COL23A1: variants seen among roughly 807,000 people sequenced by gnomAD.
The protein encoded by COL23A1 is collagen type XXIII alpha 1 chain.
COL23A1 carries 97 observed loss-of-function variants against 99.3 expected under a neutral mutation model. The observed-to-expected ratio is 0.98, with a 90% CI of 0.83 to 1.16. The LOEUF (loss-of-function observed/expected upper bound fraction) is 1.16. COL23A1 is among the 50% of genes most tolerant of loss of function. COL23A1 has a pLI of 0.00. For missense variants in COL23A1, 762 were observed against 757.4 expected, an observed-to-expected ratio of 1.01 and a Z score of -0.07; for synonymous variants, 320 against 308.2, an observed-to-expected ratio of 1.04 and a Z score of -0.40.
At chr5:178,576,069 C>T (rs185499081) in intron 1 of COL23A1, among the ~76,000 whole-genome samples, 106 of 152,316 alleles carry the variant, frequency 7.0e-4, no homozygotes, top group African/African-American at 2.3e-3. Flanking sequence ...CTCAATACCC[C>T]TTCAGACTGT....
intron 2 of COL23A1, among the ~76,000 whole-genome samples, chr5:178,426,451 C>T (rs1351706652): frequency 2.0e-5 from 3 of 152,234 alleles, no homozygotes; most frequent in East Asian, 1.9e-4. Context: ...ACCCTGTTTT[C>T]GTGCACACTC....
rs190245324 is a variant in COL23A1 at position 178,468,247 on chromosome 5, G to A, written c.361+92435C>T. 1.2e-3 allele frequency among the ~76,000 whole-genome samples: 177 copies of A among 149,000 alleles called. No individual in the cohort carries two copies. Among genetic ancestry groups the A allele is most frequent in the Non-Finnish European group, 2.1e-3 (141 of 67,294 alleles). On this transcript the variant is annotated intron_variant, in intron 2 of 28. Transcript: ENST00000390654. This position sits in a 1 kb window ranked among gnomAD's most constrained non-coding sequence, Gnocchi z 4.2. Reference sequence around the variant, plus strand: ...CTCCAGCCAGAAGCCACGGCAAGCCGCCAGTGTCGAGCAGAGGGCCCCTGC... The same window carrying A: ...CTCCAGCCAGAAGCCACGGCAAGCCACCAGTGTCGAGCAGAGGGCCCCTGC...
chr5:178,447,426 G>A (rs1017382610), intron 2 of COL23A1, among the ~76,000 whole-genome samples: 3 of 152,156 alleles, frequency 2.0e-5, no homozygotes, highest in Admixed American at 6.5e-5. Flanking sequence ...GGTCAATGAC[G>A]CATATACGGC....
At chr5:178,406,060 G>A (rs1024349658) in intron 2 of COL23A1, among the ~76,000 whole-genome samples, 13 of 152,214 alleles carry the variant, frequency 8.5e-5, no homozygotes, top group Admixed American at 3.3e-4. Flanking sequence ...CTGAGATTGC[G>A]CCACTGCACT....
rs776834450 is a variant in COL23A1, at chr5:178,590,079, C to A, written c.119G>T (p.Cys40Phe). The A allele has an allele frequency of 2.7e-4, 357 of 1,314,410 alleles. No individual in the cohort carries two copies. Among genetic ancestry groups the A allele is most frequent in the Non-Finnish European group, 3.3e-4 (337 of 1,028,202 alleles). The allele number at this position is 1,314,410 out of a possible 1,614,324, so 81.4% of individuals were successfully genotyped here. ...CGCCGAGCCCACGGAGAGCAGCAGG[C>A]ACAGCGCGCTCACCGCCCGGGACCC... ...TAGSRAVSAL[C>F]LLLSVGSAAA... Residue 40 changes from cysteine (C) to phenylalanine (F), a missense_variant, in exon 1 of 29, where the codon TGC becomes TTC. Coordinates refer to ENST00000390654, the MANE Select transcript of COL23A1 (RefSeq NM_173465.4). This position sits in a 1 kb window ranked among gnomAD's most constrained non-coding sequence, Gnocchi z 5.7.
intron 2 of COL23A1, among the ~76,000 whole-genome samples, chr5:178,478,346 C>T (rs111880507): frequency 6.6e-6 from 1 of 152,206 alleles, no homozygotes; most frequent in Non-Finnish European, 1.5e-5. Context: ...CCGGGACTAA[C>T]TGGAACAACT....
rs144243981 is a variant in COL23A1, at chr5:178,237,851, G to A, written c.*847C>T. ...AGAGCCATTTTTGGCCAGAGTTCTG[G>A]GTGGGAGACTTGGGGCCAGTGAGAC... is the stretch of plus-strand genomic sequence containing the variant. On this transcript the variant is annotated 3_prime_UTR_variant, in exon 29 of 29. Coordinates refer to ENST00000390654, the MANE Select transcript of COL23A1 (RefSeq NM_173465.4). 1 of 152,508 alleles carries A rather than the reference G, an allele frequency of 6.6e-6. No homozygotes were observed. Among genetic ancestry groups the A allele is most frequent in the Non-Finnish European group, 1.5e-5 (1 of 68,130 alleles). The allele number at this position is 152,508 out of a possible 1,614,324, so 9.4% of individuals were successfully genotyped here.
rs538328445 is a variant in COL23A1, at chr5:178,385,312, C to T, written c.362-78393G>A. ...CCCCCAGGTCTCAGTGAGCTGTGGA[C>T]GCGGGGAATTCACAGAGGGAAACAC... On this transcript the variant is annotated intron_variant, in intron 2 of 28. Transcript: ENST00000390654. 2.4e-4 allele frequency among the ~76,000 whole-genome samples: 37 copies of T among 152,250 alleles called. 1 individual carries two copies. Among genetic ancestry groups the T allele is most frequent in the Admixed American group, 2.0e-3 (30 of 15,296 alleles).
intron 2 of COL23A1, among the ~76,000 whole-genome samples, chr5:178,487,270 T>C (rs1426205645): frequency 6.6e-6 from 1 of 151,546 alleles, no homozygotes; most frequent in Non-Finnish European, 1.5e-5. Context: ...CTGAAGGCAG[T>C]CATGGTACCA....
chr5:178,478,537 ACT>A (rs1757153164), intron 2 of COL23A1, among the ~76,000 whole-genome samples: 1 of 152,110 alleles, frequency 6.6e-6, no homozygotes, highest in Non-Finnish European at 1.5e-5. Context: ...CCACACCAGC[ACT>A]GAGGCCCACA....
intron 18 of COL23A1, 61 bp downstream of exon 18, chr5:178,250,000 C>A (rs1029126241): frequency 1.3e-6 from 2 of 1,574,264 alleles, no homozygotes; most frequent in East Asian, 4.5e-5. Flanking sequence ...CACACACACA[C>A]ACACACACAG....
At chr5:178,347,255 C>T (rs1440424363) in intron 2 of COL23A1, among the ~76,000 whole-genome samples, 2 of 152,218 alleles carry the variant, frequency 1.3e-5, no homozygotes, top group Non-Finnish European at 2.9e-5. Context: ...TGGATTTTAT[C>T]TTTCATTTAA....
At chr5:178,572,193 G>T (rs1272759965) in intron 1 of COL23A1, among the ~76,000 whole-genome samples, 1 of 151,174 alleles carries the variant, frequency 6.6e-6, no homozygotes, top group East Asian at 1.9e-4. Flanking sequence ...TTATAAACTA[G>T]AAGACAGCAA....
At chr5:178,333,964 C>T (rs2913793) in intron 2 of COL23A1, among the ~76,000 whole-genome samples, 72,327 of 152,042 alleles carry the variant, frequency 0.48, 18,109 homozygotes, top group East Asian at 0.81. Context: ...GTCAGTCCCC[C>T]TTCCAGATCT....
chr5:178,490,417 A>G (rs1042563900), intron 2 of COL23A1, among the ~76,000 whole-genome samples: 3 of 152,134 alleles, frequency 2.0e-5, no homozygotes, highest in African/African-American at 7.2e-5. Context: ...AGGCAGAAGT[A>G]GAATAGAGGT....
intron 16 of COL23A1, 62 bp downstream of exon 16, chr5:178,254,887 G>GTGA (rs1765222178): frequency 7.1e-7 from 1 of 1,408,640 alleles, no homozygotes; most frequent in African/African-American, 1.4e-5. Context: ...CACAAAGGGA[G>GTGA]TGATTATTCC....
At chr5:178,246,498 A>T in intron 22 of COL23A1, 45 bp from the exon 23 acceptor site, 1 of 1,539,618 alleles carries the variant, frequency 6.5e-7, no homozygotes, top group Non-Finnish European at 8.8e-7. Context: ...GGGGTTAGAC[A>T]GACAGTAGGA....
intron 2 of COL23A1, among the ~76,000 whole-genome samples, chr5:178,353,913 C>G (rs1356063990): frequency 6.7e-6 from 1 of 150,176 alleles, no homozygotes; most frequent in Non-Finnish European, 1.5e-5. Context: ...AGAGACAAAA[C>G]TGTGTATGTT....
intron 1 of COL23A1, among the ~76,000 whole-genome samples, chr5:178,576,061 C>CA (rs1206448832): frequency 2.0e-5 from 3 of 152,220 alleles, no homozygotes. Flanking sequence ...GGCAGTCCCT[C>CA]AATACCCCTT....
Sources: allele counts gnomAD v4.1 joint callset (sites outside exome capture counted in the v4.1 genomes callset), GRCh38; gene constraint gnomAD v4.1.1; non-coding constraint Gnocchi (gnomAD v3.1); transcripts MANE v1.5; gene names NCBI Gene and HGNC (gene_info 2026-07-23, HGNC 2026-07-21).